Variants in GLIS1 observed in about 807,000 individuals in gnomAD.
GLIS1 encodes GLIS family zinc finger 1, also known as zinc finger protein GLIS1.
In GLIS1, 24 loss-of-function variants were observed where a neutral mutation model predicts 63.8. The ratio of observed to expected loss-of-function variants is 0.38; its 90% CI spans 0.27 to 0.53. The LOEUF (loss-of-function observed/expected upper bound fraction) is 0.53. GLIS1 is among the 20% of genes least tolerant of loss of function. The pLI is 0.85. For missense variants in GLIS1, 1,036 were observed against 1,074.1 expected (o/e 0.96, Z 0.50); for synonymous variants, 450 against 482.5 (o/e 0.93, Z 0.88).
At chr1:53,733,545 G>C (rs12095931) in intron 2 of GLIS1, among the ~76,000 whole-genome samples, 12,741 of 152,172 alleles carry the variant, frequency 0.084, 626 homozygotes, top group African/African-American at 0.1. Flanking sequence ...CTTCTAGAAA[G>C]CTTGAGAGGC....
chr1:53,673,481 A>C (rs188421522), intron 2 of GLIS1, among the ~76,000 whole-genome samples: 255 of 152,330 alleles, frequency 1.7e-3, no homozygotes, highest in South Asian at 7.7e-3. Flanking sequence ...GGTCCTGGGC[A>C]AGTCACCTCC....
intron 2 of GLIS1, among the ~76,000 whole-genome samples, chr1:53,686,128 A>C (rs1030713039): frequency 5.3e-5 from 8 of 152,134 alleles, no homozygotes; most frequent in African/African-American, 1.9e-4. Flanking sequence ...ACCAGACTGC[A>C]AAGCCCCTTT....
At chr1:53,537,445 C>A (rs1378603702) in intron 4 of GLIS1, among the ~76,000 whole-genome samples, 1 of 152,226 alleles carries the variant, frequency 6.6e-6, no homozygotes, top group Non-Finnish European at 1.5e-5. Flanking sequence ...TGACACCATG[C>A]CGCAAACCAA....
intron 2 of GLIS1, among the ~76,000 whole-genome samples, chr1:53,657,094 C>A (rs996005784): frequency 6.6e-6 from 1 of 152,222 alleles, no homozygotes; most frequent in Non-Finnish European, 1.5e-5. Flanking sequence ...TCCCTGTTTG[C>A]CACCCCCGGG....
intron 2 of GLIS1, among the ~76,000 whole-genome samples, chr1:53,606,680 C>G (rs1401348084): frequency 1.3e-5 from 2 of 152,198 alleles, no homozygotes; most frequent in African/African-American, 4.8e-5. Flanking sequence ...CCCGGTGGAC[C>G]GGGTTAGCTG....
intron 4 of GLIS1, among the ~76,000 whole-genome samples, chr1:53,587,962 G>A (rs1645152771): frequency 6.6e-6 from 1 of 152,126 alleles, no homozygotes; most frequent in African/African-American, 2.4e-5. Flanking sequence ...GTTTAAATCC[G>A]ACCCCACCAT....
chr1:53,557,975 T>C (rs1644849491), intron 4 of GLIS1, among the ~76,000 whole-genome samples: 1 of 152,200 alleles, frequency 6.6e-6, no homozygotes, highest in African/African-American at 2.4e-5. Context: ...CAAACATCAT[T>C]AGGGGAGCCC....
chr1:53,663,332 A>G (rs1458573611), intron 2 of GLIS1, among the ~76,000 whole-genome samples: 4 of 152,256 alleles, frequency 2.6e-5, no homozygotes, highest in South Asian at 2.1e-4. Context: ...ACGGAAGTGA[A>G]CCAAACCCAT....
intron 2 of GLIS1, among the ~76,000 whole-genome samples, chr1:53,726,075 C>A (rs1392971955): frequency 6.6e-6 from 1 of 152,194 alleles, no homozygotes; most frequent in Non-Finnish European, 1.5e-5. Flanking sequence ...TCTGGAACAC[C>A]TGACTCTTTC....
At chr1:53,672,064 G>T (rs945871528) in intron 2 of GLIS1, among the ~76,000 whole-genome samples, 1 of 152,206 alleles carries the variant, frequency 6.6e-6, no homozygotes, top group Non-Finnish European at 1.5e-5. Flanking sequence ...GTGGCCAACT[G>T]CAGGGTAGGA....
At chr1:53,683,738 G>C (rs1235547247) in intron 2 of GLIS1, among the ~76,000 whole-genome samples, 1 of 152,186 alleles carries the variant, frequency 6.6e-6, no homozygotes, top group Admixed American at 6.5e-5. Flanking sequence ...TCACAGCACT[G>C]AATTGGGTAC....
chr1:53,675,665 C>G (rs1646203384), intron 2 of GLIS1, among the ~76,000 whole-genome samples: 1 of 152,236 alleles, frequency 6.6e-6, no homozygotes, highest in African/African-American at 2.4e-5. Flanking sequence ...CAGGGGACTT[C>G]TCCTCATGGC....
chr1:53,509,356 T>C (rs1228277639), intron 9 of GLIS1, 69 bp from the exon 10 acceptor site: 2 of 1,392,860 alleles, frequency 1.4e-6, no homozygotes, highest in South Asian at 1.4e-5. Flanking sequence ...GGGAACATCC[T>C]TGCTGCACGC....
rs964877789 is a variant in GLIS1 at position 53,722,738 on chromosome 1, C to T, written c.259+15068G>A. ...AGTCCCAGCTACTGGAAGGCTGAGG[C>T]GGGAAATCACCTGAGCCCGGGGAGG... On this transcript the variant is annotated intron_variant, in intron 2 of 10. Coordinates refer to ENST00000628545, the MANE Select transcript of GLIS1 (RefSeq NM_001367484.1). Among the ~76,000 whole-genome samples, 10 of 150,638 alleles carry T rather than the reference C, an allele frequency of 6.6e-5. No individual in the cohort carries two copies. In the East Asian group the frequency reaches 1.2e-3, roughly 18 times the overall value.
At chr1:53,632,471 GGTGTGACTGAGGGGCATGTGAATGA>G (rs1645666720) in intron 2 of GLIS1, among the ~76,000 whole-genome samples, 1 of 134,376 alleles carries the variant, frequency 7.4e-6, no homozygotes, top group South Asian at 2.6e-4. Context: ...CATGTGAATG[GGTGTGACTGAGGGGCATGTGAATGA>G]GTGTGACTGA....
At chr1:53,678,967 C>A (rs922749863) in intron 2 of GLIS1, among the ~76,000 whole-genome samples, 4 of 152,202 alleles carry the variant, frequency 2.6e-5, no homozygotes, top group Admixed American at 6.5e-5. Flanking sequence ...CTAAAACCAG[C>A]CCCTGGCTGC....
intron 2 of GLIS1, among the ~76,000 whole-genome samples, chr1:53,710,528 C>A (rs1420156111): frequency 1.3e-5 from 2 of 152,254 alleles, no homozygotes; most frequent in Non-Finnish European, 2.9e-5. Flanking sequence ...ATCACACACC[C>A]TGTTGCTTAC....
intron 4 of GLIS1, among the ~76,000 whole-genome samples, chr1:53,550,532 A>G (rs964503176): frequency 6.6e-6 from 1 of 152,200 alleles, no homozygotes; most frequent in Non-Finnish European, 1.5e-5. Context: ...GACTAGTTTT[A>G]TGCAAGAAGA....
In GLIS1 at chr1:53,510,030, G is replaced by C; in HGVS notation, c.1884-3C>G. The C allele has an allele frequency of 7.9e-7, 1 of 1,263,164 alleles. No individual in the cohort carries two copies. Among genetic ancestry groups the C allele is most frequent in the Non-Finnish European group, 1.0e-6 (1 of 996,468 alleles). The allele number at this position is 1,263,164 out of a possible 1,614,324, so 78.2% of individuals were successfully genotyped here. A position where few individuals can be genotyped will look rare whatever the true frequency, so the allele number is the denominator to read the frequency against. ...GTGAGAGGAGGCCGGGCCCCAACCT[G>C]GAGAGAACAGAGGTGCCCATCAGCA... is the stretch of plus-strand genomic sequence containing the variant. On this transcript the variant is annotated splice_region_variant and splice_polypyrimidine_tract_variant and intron_variant, in intron 8 of 10. Transcript: ENST00000628545.
Sources: gnomAD v4.1 joint callset for allele counts (sites outside exome capture counted in the v4.1 genomes callset) on GRCh38, gnomAD v4.1.1 for gene constraint, MANE v1.5 for transcripts, NCBI Gene and HGNC (gene_info 2026-07-23, HGNC 2026-07-21) for gene names.